The following SGSH variants were observed in gnomAD, a reference collection of about 807,000 sequenced individuals.
SGSH encodes heparan sulfate sulfatase.
Under a neutral mutation model 51.0 loss-of-function variants are expected in SGSH, and 48 were observed. That is an observed-to-expected ratio of 0.94 (90% CI 0.75 to 1.20). The LOEUF (loss-of-function observed/expected upper bound fraction) is 1.20. Ranked by LOEUF, SGSH falls within the 50% of genes most tolerant of loss-of-function variation. The pLI is 0.00. For missense variants in SGSH, 662 were observed against 717.8 expected (o/e 0.92, Z 0.89); for synonymous variants, 321 against 313.4 (o/e 1.02, Z -0.26).
chr17:80,216,355 G>A (rs954690704), intron 2 of SGSH, among the ~76,000 whole-genome samples: 1 of 152,036 alleles, frequency 6.6e-6, no homozygotes, highest in East Asian at 1.9e-4. Context: ...AGTCCTGTGT[G>A]ATTCCACTCT....
Position 80,212,756 on chromosome 17 carries a change from G to A in SGSH, c.746-482C>T, listed in dbSNP as rs115395577. ...ATGGCAAAGGTCCTGACCTCCTGTC[G>A]TCCCTGACCCCAAAAGACATGTGTG... On this transcript the variant is annotated intron_variant, in intron 6 of 7. Transcript: ENST00000326317. This position sits in a 1 kb window ranked among gnomAD's most constrained non-coding sequence, Gnocchi z 5.9. The A allele has an allele frequency of 3.0e-3, 737 of 244,268 alleles. 4 individuals carry two copies. The highest frequency in any genetic ancestry group is 0.015 in the African/African-American group (672 of 44,588). The allele number at this position is 244,268 out of a possible 1,614,324, so 15.1% of individuals were successfully genotyped here. A position where few individuals can be genotyped will look rare whatever the true frequency, so the allele number is the denominator to read the frequency against.
rs1567913444 is a variant in SGSH, at chr17:80,210,194, A to G, written c.*258T>C. The G allele has an allele frequency of 7.2e-7, 1 of 1,397,904 alleles. No individual in the cohort carries two copies. Among genetic ancestry groups the G allele is most frequent in the African/African-American group, 1.4e-5 (1 of 69,130 alleles). The allele number at this position is 1,397,904 out of a possible 1,614,324, so 86.6% of individuals were successfully genotyped here. ...ATTCCCGTGCTGGGACATGGTTCAG[A>G]CACAAGGACAACTGTGTCCCCTGCC... On this transcript the variant is annotated 3_prime_UTR_variant, in exon 8 of 8. Transcript: ENST00000326317.
In SGSH at chr17:80,210,981, G is replaced by A. The variant is rs1453784971; in HGVS notation, c.980C>T (p.Ser327Leu). The change falls in exon 8 of 8, where the codon TCG (serine) becomes TTG (leucine). Residue 327 changes from serine (S) to leucine (L), a missense_variant. Transcript: ENST00000326317. ...GATGGCGTAGCTGGGGTACGGGATC[G>A]AGAACCAATCCAAGATGGTGGGCGT... ...DLTPTILDWF[S>L]IPYPSYAIFG... 6.3e-6 allele frequency: 10 copies of A among 1,599,346 alleles called. No homozygotes were observed. The highest frequency in any genetic ancestry group is 3.3e-4 in the Middle Eastern group (2 of 6,060).
At position 80,213,689 on chromosome 17, in the gene SGSH, G is replaced by A; in HGVS notation, c.745+115C>T. On this transcript the variant is annotated intron_variant, in intron 6 of 7. Transcript: ENST00000326317. This position sits in a 1 kb window ranked among gnomAD's most constrained non-coding sequence, Gnocchi z 4.6. ...GTGGGCTCTGCCAGCTGCAGCACAGGGCCTGCCACACTGGGACCCTCACCC... is the reference window on the plus strand; with the variant it reads ...GTGGGCTCTGCCAGCTGCAGCACAGAGCCTGCCACACTGGGACCCTCACCC... 2.1e-6 allele frequency: 2 copies of A among 936,546 alleles called. No homozygotes were observed. The highest frequency in any genetic ancestry group is 2.8e-5 in the South Asian group (2 of 70,434). 58.0% of individuals were successfully genotyped at this position (936,546 alleles called of 1,614,324 possible).
In SGSH at chr17:80,215,033, C is replaced by T. The variant is rs1198540091; in HGVS notation, c.355G>A (p.Gly119Ser). The T allele has an allele frequency of 6.2e-7, 1 of 1,609,084 alleles. No individual in the cohort carries two copies. The highest frequency in any genetic ancestry group is 8.5e-7 in the Non-Finnish European group (1 of 1,179,136). The stretch of plus-strand genomic sequence containing the variant: ...CCTGTCCTCGGCACGGGGTCCTCAC[C>T]TGTGCGCACACCAGCTTGGCTGAGC... ...LLLSQAGVRT[G>S]IIGKKHVGPE... Residue 119 changes from glycine (G) to serine (S), a missense_variant and splice_region_variant, in exon 3 of 8, where the codon GGC (glycine) becomes AGC (serine). Gly to Ser is a moderately conservative substitution (Grantham distance 56, BLOSUM62 0). Transcript: ENST00000326317.
downstream of SGSH, chr17:80,206,902 G>C (rs918190968): frequency 1.7e-5 from 20 of 1,163,362 alleles, no homozygotes; most frequent in Admixed American, 4.0e-5. Context: ...TCTGACCTGG[G>C]CGTTGGCTCC....
At chr17:80,215,588 A>C (rs1026997952) in intron 2 of SGSH, among the ~76,000 whole-genome samples, 7 of 152,198 alleles carry the variant, frequency 4.6e-5, no homozygotes, top group African/African-American at 1.7e-4. Flanking sequence ...TGGGAGGCCA[A>C]CGCAGGTGGA....
In SGSH at chr17:80,212,120, C is replaced by T. The variant is rs1331318723; in HGVS notation, c.900G>A (p.Glu300=). Residue 300 remains glutamate (E), a synonymous_variant, in exon 7 of 8, where the codon GAG becomes GAA. Coordinates refer to ENST00000326317, the MANE Select transcript of SGSH (RefSeq NM_000199.5). This position sits in a 1 kb window ranked among gnomAD's most constrained non-coding sequence, Gnocchi z 5.9. ...TGACTTGGCCCCAGCGTTTTGGGTG[C>T]TCCGGGGATGACACCAGTAAGGGTT... The part of the protein sequence containing the change: ...TAEPLLVSSP[E]HPKRWGQVSE... 1.2e-6 allele frequency: 2 copies of T among 1,613,492 alleles called. No individual in the cohort carries two copies. Among genetic ancestry groups the T allele is most frequent in the African/African-American group, 2.7e-5 (2 of 74,932 alleles).
downstream of SGSH, chr17:80,205,008 C>T (rs1437393535): frequency 6.5e-7 from 1 of 1,528,448 alleles, no homozygotes; most frequent in Non-Finnish European, 8.8e-7. Flanking sequence ...GCAGCCTCAC[C>T]CACCCTCAGG....
chr17:80,217,342 C>T (rs1398621111), intron 1 of SGSH, 150 bp from the exon 2 acceptor site: 1 of 870,440 alleles, frequency 1.1e-6, no homozygotes, highest in Non-Finnish European at 1.8e-6. Context: ...GCGCGAAATG[C>T]TATCGTGACA....
rs147716878 is a variant in SGSH at position 80,212,084 on chromosome 17, G to A, written c.936C>T (p.Tyr312=). The A allele has an allele frequency of 6.9e-5, 111 of 1,613,460 alleles. 1 individual carries two copies. The East Asian group carries it at 1.0e-3, about 15-fold the overall frequency. ...ACAAAGGCATACCTAGGAGGCTCACGTAGGCCTCGCTGACTTGGCCCCAGC... is the reference window on the plus strand; with the variant it reads ...ACAAAGGCATACCTAGGAGGCTCACATAGGCCTCGCTGACTTGGCCCCAGC... The part of the protein sequence containing the change: ...PKRWGQVSEA[Y]VSLLDLTPTI... Residue 312 remains tyrosine (Y), a synonymous_variant, in exon 7 of 8, where the codon TAC becomes TAT. Coordinates refer to ENST00000326317, the MANE Select transcript of SGSH (RefSeq NM_000199.5). The surrounding 1 kb of genome is among the most constrained non-coding windows in gnomAD (Gnocchi z 5.9).
intron 7 of SGSH, 196 bp from the exon 8 acceptor site, chr17:80,211,207 G>A (rs2041651093): frequency 3.5e-6 from 5 of 1,436,852 alleles, no homozygotes; most frequent in African/African-American, 1.4e-5. Flanking sequence ...TATAACAAGA[G>A]GCCCTGATTC....
At chr17:80,203,430 C>T (rs1462369846), downstream of SGSH, 3 of 196,892 alleles carry the variant, frequency 1.5e-5, no homozygotes, top group Admixed American at 5.9e-5. This position sits in a 1 kb window ranked among gnomAD's most constrained non-coding sequence, Gnocchi z 4.6. Context: ...TCGGAGCCAG[C>T]AGGTCCAGGG....
At position 80,209,407 on chromosome 17, in the gene SGSH, C is replaced by G; in HGVS notation, c.*1045G>C. ...GAAGGGCAAGGGGAGCCCACCTACT[C>G]AAGGAAGCGCCCTCTCCTTCGAGGG... On this transcript the variant is annotated 3_prime_UTR_variant, in exon 8 of 8. Transcript: ENST00000326317. 1 of 985,510 alleles carries G rather than the reference C, an allele frequency of 1.0e-6. No individual in the cohort carries two copies. The highest frequency in any genetic ancestry group is 1.2e-6 in the Non-Finnish European group (1 of 830,004). 61.0% of individuals were successfully genotyped at this position (985,510 alleles called of 1,614,324 possible). A position where few individuals can be genotyped will look rare whatever the true frequency, so the allele number is the denominator to read the frequency against.
In SGSH at chr17:80,220,247, G is replaced by C. The variant is rs529571746; in HGVS notation, c.67C>G (p.Arg23Gly). The C allele has an allele frequency of 7.9e-6, 12 of 1,522,996 alleles. No individual in the cohort carries two copies. The highest frequency in any genetic ancestry group is 1.1e-5 in the Non-Finnish European group (12 of 1,141,826). The allele number at this position is 1,522,996 out of a possible 1,614,324, so 94.3% of individuals were successfully genotyped here. A position where few individuals can be genotyped will look rare whatever the true frequency, so the allele number is the denominator to read the frequency against. Residue 23 changes from arginine (R) to glycine (G), a missense_variant, in exon 1 of 8, where the codon CGG becomes GGG. Arg to Gly is a moderately radical substitution (Grantham distance 125). Transcript: ENST00000326317. ...LVLGLCRARP[R>G]NALLLLADDG... is the part of the protein sequence containing the mutation. ...TCACCGAGGAGCAGCAGTGCGTTCC[G>C]GGGACGCGCCCGGCAGAGCCCCAGG... is the stretch of plus-strand genomic sequence containing the variant.
intron 1 of SGSH, 155 bp downstream of exon 1, chr17:80,220,071 G>T: frequency 1.8e-6 from 1 of 562,328 alleles, no homozygotes; most frequent in Non-Finnish European, 3.1e-6. Context: ...GAAGAGTCTG[G>T]GGGCGGCACA....
rs1035928326 is a variant in SGSH at position 80,214,310 on chromosome 17, G to A, written c.525C>T (p.Val175=). 5 of 1,612,890 alleles carry A rather than the reference G, an allele frequency of 3.1e-6. No homozygotes were observed. Among genetic ancestry groups the A allele is most frequent in the African/African-American group, 1.3e-5 (1 of 74,936 alleles). ...TQDDRPFFLY[V]AFHDPHRCGH... Reference sequence around the variant, plus strand: ...CACAGCGGTGGGGGTCGTGGAAGGCGACGTAGAGGAAGAAAGGCCTGCACG... The same window carrying A: ...CACAGCGGTGGGGGTCGTGGAAGGCAACGTAGAGGAAGAAAGGCCTGCACG... Residue 175 remains valine (V), a synonymous_variant, in exon 5 of 8, where the codon GTC becomes GTT. Transcript: ENST00000326317.
In SGSH at chr17:80,216,695, G is replaced by C. The variant is rs190364346; in HGVS notation, c.249+337C>G. Reference sequence around the variant, plus strand: ...ACGCTGAGTGAGCCCACCAGGCCTCGCACTAAGTGTTTACATACAAAGCAT... The same window carrying C: ...ACGCTGAGTGAGCCCACCAGGCCTCCCACTAAGTGTTTACATACAAAGCAT... On this transcript the variant is annotated intron_variant, in intron 2 of 7. Transcript: ENST00000326317. The C allele has an allele frequency of 2.3e-4, 78 of 333,632 alleles. No individual in the cohort carries two copies. In the East Asian group the frequency reaches 4.0e-3, roughly 17 times the overall value. 20.7% of individuals were successfully genotyped at this position (333,632 alleles called of 1,614,324 possible). A position where few individuals can be genotyped will look rare whatever the true frequency, so the allele number is the denominator to read the frequency against.
downstream of SGSH, chr17:80,203,486 A>C: frequency 3.8e-6 from 1 of 266,084 alleles, no homozygotes; most frequent in East Asian, 7.3e-5. This position sits in a 1 kb window ranked among gnomAD's most constrained non-coding sequence, Gnocchi z 4.6. Context: ...CGGTGACTCC[A>C]GGCTGCAGGC....
Sources: allele counts gnomAD v4.1 joint callset (sites outside exome capture counted in the v4.1 genomes callset), GRCh38; gene constraint gnomAD v4.1.1; non-coding constraint Gnocchi (gnomAD v3.1); transcripts MANE v1.5; gene names NCBI Gene and HGNC (gene_info 2026-07-23, HGNC 2026-07-21).